SRGAP2: variants seen among roughly 807,000 people sequenced by gnomAD.
SRGAP2 encodes the protein SLIT-ROBO Rho GTPase activating protein 2, also known as SLIT-ROBO Rho GTPase-activating protein 2.
A neutral mutation model predicts 57.2 loss-of-function variants in SRGAP2; 15 were observed. The ratio of observed to expected loss-of-function variants is 0.26; its 90% confidence interval spans 0.18 to 0.40. The LOEUF (loss-of-function observed/expected upper bound fraction) is 0.40. SRGAP2 is among the 10% of genes least tolerant of loss of function. The pLI is 1.00. For synonymous variants in SRGAP2, 249 were observed against 248.0 expected (o/e 1.00, Z -0.04); for missense variants, 520 against 669.6 (o/e 0.78, Z 2.47).
chr1:206,413,768 C>T (rs905019404), intron 10 of SRGAP2, among the ~76,000 whole-genome samples: 5 of 152,036 alleles, frequency 3.3e-5, no homozygotes, highest in Non-Finnish European at 7.4e-5. Flanking sequence ...AGGAGGCAGT[C>T]TGAAGAAAAA....
At chr1:206,229,514 G>C (rs1168411168) in intron 2 of SRGAP2, among the ~76,000 whole-genome samples, 1 of 152,188 alleles carries the variant, frequency 6.6e-6, no homozygotes, top group Non-Finnish European at 1.5e-5. Context: ...CAGTTTGGCT[G>C]TCAAAAGGCC....
At chr1:206,434,001 A>G (rs1231940983) in intron 14 of SRGAP2, among the ~76,000 whole-genome samples, 2 of 152,184 alleles carry the variant, frequency 1.3e-5, no homozygotes, top group Non-Finnish European at 2.9e-5. Flanking sequence ...GATTTTTCCC[A>G]AATAGGGGCT....
intron 14 of SRGAP2, among the ~76,000 whole-genome samples, chr1:206,432,159 C>T (rs76409431): frequency 0.013 from 1,923 of 152,216 alleles, 25 homozygotes; most frequent in South Asian, 0.027. Flanking sequence ...GACATGATGG[C>T]GGCCTAGACC....
At chr1:206,383,185 C>T (rs1273360260) in intron 4 of SRGAP2, among the ~76,000 whole-genome samples, 17 of 146,526 alleles carry the variant, frequency 1.2e-4, no homozygotes, top group African/African-American at 7.9e-5. Context: ...CCATCAGGCC[C>T]GGCTAATTTT....
intron 4 of SRGAP2, among the ~76,000 whole-genome samples, chr1:206,373,416 C>A: frequency 1.3e-5 from 1 of 75,840 alleles, no homozygotes; most frequent in Non-Finnish European, 2.6e-5. Context: ...GATTTCAATG[C>A]AAAAAGTATT....
intron 2 of SRGAP2, among the ~76,000 whole-genome samples, chr1:206,229,580 A>C (rs1667491163): frequency 1.3e-5 from 2 of 152,096 alleles, no homozygotes; most frequent in Non-Finnish European, 2.9e-5. Flanking sequence ...TTCCTTGAAA[A>C]GAAGGAAGGG....
rs114233310 is a variant in SRGAP2 at position 206,431,256 on chromosome 1, C to T, written c.1555+1034C>T. 7.2e-3 allele frequency among the ~76,000 whole-genome samples: 1,101 copies of T among 152,236 alleles called. 12 individuals are homozygous for T. Among genetic ancestry groups the T allele is most frequent in the African/African-American group, 0.025 (1,059 of 41,532 alleles). ...GCATTGTATATCAGTATTGAACAGTCAACAAATTTATCAAGTCCCTGATCA... is the reference window on the plus strand; with the variant it reads ...GCATTGTATATCAGTATTGAACAGTTAACAAATTTATCAAGTCCCTGATCA... On this transcript the variant is annotated intron_variant, in intron 14 of 22. Coordinates refer to ENST00000573034, the MANE Select transcript of SRGAP2 (RefSeq NM_015326.5).
intron 10 of SRGAP2, among the ~76,000 whole-genome samples, chr1:206,412,347 G>A (rs1174882400): frequency 6.6e-6 from 1 of 152,196 alleles, no homozygotes; most frequent in African/African-American, 2.4e-5. Context: ...ACTTTTTGAA[G>A]AAATTCTCAG....
chr1:206,321,831 CACA>C (rs1673471446), intron 3 of SRGAP2, among the ~76,000 whole-genome samples: 1 of 152,192 alleles, frequency 6.6e-6, no homozygotes, highest in Non-Finnish European at 1.5e-5. Flanking sequence ...TACTTTATGG[CACA>C]ACAAGATGTT....
At chr1:206,436,908 A>G (rs1175503751) in intron 14 of SRGAP2, 57 bp from the exon 15 acceptor site, 1 of 779,660 alleles carries the variant, frequency 1.3e-6, no homozygotes, top group Non-Finnish European at 2.4e-6. Flanking sequence ...TAAGCTTGGC[A>G]CTATGCTTGT....
At chr1:206,372,955 CTTTTCTTTCCTTTCTTT>C (rs1401898916) in intron 4 of SRGAP2, among the ~76,000 whole-genome samples, 709 of 39,614 alleles carry the variant, frequency 0.018, 102 homozygotes, top group South Asian at 0.025. Flanking sequence ...TTCTTTCTTT[CTTTTCTTTCCTTTCTTT>C]CTTTCTTTCT....
chr1:206,373,019 TTCTTTCTTTTCTTTC>T, intron 4 of SRGAP2, among the ~76,000 whole-genome samples: 3 of 127,548 alleles, frequency 2.4e-5, no homozygotes, highest in South Asian at 2.7e-4. Context: ...CTTTCTTTCT[TTCTTTCTTTTCTTTC>T]TCTCTCTCTC....
chr1:206,366,017 CA>C (rs1270561718), intron 4 of SRGAP2, among the ~76,000 whole-genome samples: 1 of 151,974 alleles, frequency 6.6e-6, no homozygotes, highest in African/African-American at 2.4e-5. Context: ...CTGATGAGTC[CA>C]AAAATATAGA....
At chr1:206,220,802 G>A (rs1299334162) in intron 2 of SRGAP2, among the ~76,000 whole-genome samples, 2 of 152,250 alleles carry the variant, frequency 1.3e-5, no homozygotes, top group South Asian at 2.1e-4. Context: ...CTTTCAAGGC[G>A]TTGGCTTATA....
chr1:206,390,137 G>T (rs199699359), intron 5 of SRGAP2, among the ~76,000 whole-genome samples: 1 of 117,490 alleles, frequency 8.5e-6, no homozygotes, highest in Non-Finnish European at 1.7e-5. Flanking sequence ...CAATTGTTTT[G>T]GCATCACTTA....
intron 17 of SRGAP2, among the ~76,000 whole-genome samples, chr1:206,441,631 G>C (rs907537681): frequency 6.6e-6 from 1 of 152,210 alleles, no homozygotes; most frequent in East Asian, 1.9e-4. Context: ...TGTCTATTGT[G>C]TCTTGAGAAC....
chr1:206,303,260 C>G, intron 2 of SRGAP2, 21 bp from the exon 3 acceptor site: 1 of 1,436,088 alleles, frequency 7.0e-7, no homozygotes, highest in Non-Finnish European at 9.2e-7. Flanking sequence ...TTCTGACTGT[C>G]TTCTCTTGTT....
At chr1:206,241,338 GCAGA>G (rs1390311216) in intron 2 of SRGAP2, among the ~76,000 whole-genome samples, 3 of 152,016 alleles carry the variant, frequency 2.0e-5, no homozygotes, top group African/African-American at 4.8e-5. Flanking sequence ...TTTCATTTAT[GCAGA>G]CAGACTTCCT....
rs71222954 is a variant in SRGAP2 at position 206,251,681 on chromosome 1, G to A, written c.67+45644G>A. ...CTGAGTTCAAACAACTGAGGTGGCA[G>A]GAGGGATCTCCCCCTTGGTTCTTTT... On this transcript the variant is annotated intron_variant, in intron 2 of 22. Transcript: ENST00000573034. 2.7e-5 allele frequency among the ~76,000 whole-genome samples: 4 copies of A among 146,518 alleles called. No individual in the cohort carries two copies. In the South Asian group the frequency reaches 6.7e-4, roughly 25 times the overall value.
Sources: gnomAD v4.1 joint callset for allele counts (sites outside exome capture counted in the v4.1 genomes callset) on GRCh38, gnomAD v4.1.1 for gene constraint, MANE v1.5 for transcripts, NCBI Gene and HGNC (gene_info 2026-07-23, HGNC 2026-07-21) for gene names.